Variants in TCF4 observed in about 807,000 individuals in gnomAD.
The protein encoded by TCF4 is transcription factor 4.
Under a neutral mutation model 82.1 loss-of-function variants are expected in TCF4, and 3 were observed. The observed-to-expected ratio is 0.04, with a 90% confidence interval of 0.02 to 0.09. The LOEUF is 0.09. Ranked by LOEUF, TCF4 falls within the 10% of genes least tolerant of loss-of-function variation. The probability of loss-of-function intolerance (pLI) is 1.00; values close to 1 mark genes in which losing one functional copy is unlikely to be tolerated. For missense variants in TCF4, 518 were observed against 852.7 expected (o/e 0.61, Z 4.89); for synonymous variants, 276 against 309.6 (o/e 0.89, Z 1.14).
At chr18:55,558,282 G>A (rs745998969) in intron 3 of TCF4, among the ~76,000 whole-genome samples, 1 of 152,076 alleles carries the variant, frequency 6.6e-6, no homozygotes, top group African/African-American at 2.4e-5. Flanking sequence ...AAATGTAGAG[G>A]TTCCATATAA....
intron 5 of TCF4, among the ~76,000 whole-genome samples, chr18:55,441,704 A>G (rs2095441258): frequency 6.6e-6 from 1 of 152,232 alleles, no homozygotes; most frequent in African/African-American, 2.4e-5. Flanking sequence ...ATAAAGTAAC[A>G]TATGTATTAC....
intron 6 of TCF4, among the ~76,000 whole-genome samples, chr18:55,367,735 T>C (rs1396761025): frequency 6.6e-6 from 1 of 152,124 alleles, no homozygotes; most frequent in East Asian, 1.9e-4. Context: ...TGAGTGAAGT[T>C]TGCAAGGCAC....
At chr18:55,272,892 AT>A (rs1182425206) in intron 10 of TCF4, among the ~76,000 whole-genome samples, 1 of 152,134 alleles carries the variant, frequency 6.6e-6, no homozygotes, top group Non-Finnish European at 1.5e-5. Flanking sequence ...TTACAAAAAA[AT>A]AAAAGAAAAC....
intron 17 of TCF4, chr18:55,231,084 G>A (rs747893942): frequency 6.6e-6 from 1 of 152,430 alleles, no homozygotes; most frequent in Non-Finnish European, 1.5e-5. Flanking sequence ...TGCCTTCTGC[G>A]GATCCCTCCT....
intron 8 of TCF4, among the ~76,000 whole-genome samples, chr18:55,336,448 T>A (rs962864108): frequency 3.9e-5 from 6 of 152,128 alleles, no homozygotes; most frequent in Non-Finnish European, 1.5e-5. Flanking sequence ...AATGATCATA[T>A]AATTATCTAT....
intron 8 of TCF4, among the ~76,000 whole-genome samples, chr18:55,349,143 G>A (rs958387803): frequency 1.3e-5 from 2 of 151,928 alleles, no homozygotes; most frequent in African/African-American, 2.4e-5. Context: ...TACACCATTG[G>A]CAATCTTATT....
intron 3 of TCF4, among the ~76,000 whole-genome samples, chr18:55,566,093 G>T (rs2097403715): frequency 1.3e-5 from 2 of 151,472 alleles, no homozygotes; most frequent in South Asian, 4.2e-4. Context: ...GGTGCCTGTA[G>T]TCCCAGCTAC....
chr18:55,367,962 T>C (rs1366168618), intron 6 of TCF4, among the ~76,000 whole-genome samples: 1 of 152,222 alleles, frequency 6.6e-6, no homozygotes. Context: ...TGTAAAACTC[T>C]GTATTAGGGA....
At chr18:55,556,365 T>G (rs1186925417) in intron 3 of TCF4, among the ~76,000 whole-genome samples, 4 of 152,224 alleles carry the variant, frequency 2.6e-5, no homozygotes, top group Admixed American at 1.3e-4. Flanking sequence ...GTAAAAAGAA[T>G]AGAGCCTAAT....
chr18:55,319,988 C>G (rs554027678), intron 8 of TCF4, among the ~76,000 whole-genome samples: 1 of 152,228 alleles, frequency 6.6e-6, no homozygotes, highest in South Asian at 2.1e-4. Context: ...TCTTTCATTA[C>G]GGATAAGGGC....
intron 8 of TCF4, among the ~76,000 whole-genome samples, chr18:55,340,499 G>A (rs192146758): frequency 1.3e-4 from 20 of 148,186 alleles, no homozygotes; most frequent in Middle Eastern, 3.6e-3. Flanking sequence ...TGGGAGGACC[G>A]CTTGAGCCTG....
At chr18:55,316,195 C>A (rs532827228) in intron 8 of TCF4, among the ~76,000 whole-genome samples, 1 of 152,188 alleles carries the variant, frequency 6.6e-6, no homozygotes, top group Non-Finnish European at 1.5e-5. Context: ...AGGTACAAGG[C>A]ATGCATTTAG....
chr18:55,463,024 A>T (rs2144846141), intron 4 of TCF4, among the ~76,000 whole-genome samples: 1 of 152,256 alleles, frequency 6.6e-6, no homozygotes, highest in African/African-American at 2.4e-5. Flanking sequence ...GCCAAAATGG[A>T]ACCTTCCCCC....
At chr18:55,410,767 T>A (rs1240663932) in intron 5 of TCF4, among the ~76,000 whole-genome samples, 1 of 152,018 alleles carries the variant, frequency 6.6e-6, no homozygotes, top group Non-Finnish European at 1.5e-5. Flanking sequence ...CGTAATCCTC[T>A]CCCCAAATAA....
At chr18:55,485,076 C>T (rs1190347244) in intron 3 of TCF4, among the ~76,000 whole-genome samples, 1 of 152,144 alleles carries the variant, frequency 6.6e-6, no homozygotes, top group Admixed American at 6.5e-5. Context: ...TCTCCCTACT[C>T]CAAGGAAAGA....
intron 3 of TCF4, chr18:55,479,261 A>AATGTCTTC (rs1395133554): frequency 6.5e-6 from 1 of 153,398 alleles, no homozygotes; most frequent in Admixed American, 6.5e-5. Context: ...ATGAAGACCC[A>AATGTCTTC]ATGTCTTCAT....
At chr18:55,548,952 CG>C (rs2097232454) in intron 3 of TCF4, among the ~76,000 whole-genome samples, 1 of 152,064 alleles carries the variant, frequency 6.6e-6, no homozygotes. Context: ...TGTACACTAC[CG>C]TAGACTTTAT....
intron 2 of TCF4, among the ~76,000 whole-genome samples, chr18:55,615,810 T>G (rs1348477982): frequency 6.6e-6 from 1 of 152,154 alleles, no homozygotes; most frequent in Non-Finnish European, 1.5e-5. Flanking sequence ...TGACTGATTT[T>G]CAATTGTTAA....
intron 1 of TCF4, among the ~76,000 whole-genome samples, chr18:55,631,899 A>G (rs1419484733): frequency 6.6e-6 from 1 of 152,154 alleles, no homozygotes; most frequent in Non-Finnish European, 1.5e-5. Flanking sequence ...CCTTCCTCCA[A>G]GTTTCTAAAT....
Sources: allele counts gnomAD v4.1 joint callset (sites outside exome capture counted in the v4.1 genomes callset), GRCh38; gene constraint gnomAD v4.1.1; transcripts MANE v1.5; gene names NCBI Gene and HGNC (gene_info 2026-07-23, HGNC 2026-07-21).